The following SMARCAD1 variants were observed in gnomAD, a reference collection of about 807,000 sequenced individuals.
SMARCAD1 encodes the protein SNF2 related chromatin remodeling ATPase with DExD box 1, also known as SWI/SNF-related matrix-associated actin-dependent regulator of chromatin subfamily A containing DEAD/H box 1.
A neutral mutation model predicts 127.1 loss-of-function variants in SMARCAD1; 25 were observed. That is an observed-to-expected ratio of 0.20 (90% CI 0.14 to 0.27). The LOEUF (loss-of-function observed/expected upper bound fraction) is 0.27, where lower values mean the gene tolerates loss of function less well. Ranked by LOEUF, SMARCAD1 falls within the 10% of genes least tolerant of loss-of-function variation. The pLI, the probability that SMARCAD1 is intolerant of heterozygous loss-of-function variation, is 1.00. For missense variants in SMARCAD1, 807 were observed against 1,206.0 expected (o/e 0.67, Z 4.90); for synonymous variants, 400 against 396.9 (o/e 1.01, Z -0.09).
chr4:94,274,384 G>A (rs1014118360), intron 12 of SMARCAD1, among the ~76,000 whole-genome samples: 7 of 151,988 alleles, frequency 4.6e-5, no homozygotes, highest in African/African-American at 7.3e-5. Context: ...GGAGTGTGGT[G>A]GCTCAATCTT....
In SMARCAD1 at chr4:94,274,875, G is replaced by A; in HGVS notation, c.1733-15G>A. On this transcript the variant is annotated splice_polypyrimidine_tract_variant and intron_variant, in intron 13 of 23. Coordinates refer to ENST00000354268, the MANE Select transcript of SMARCAD1 (RefSeq NM_020159.5). Reference sequence around the variant, plus strand: ...CACAATAAATAGTCATGTGTTTATTGTTTTTAAATTCTAGGTTCTCAAGAA... The same window carrying A: ...CACAATAAATAGTCATGTGTTTATTATTTTTAAATTCTAGGTTCTCAAGAA... 6.2e-7 allele frequency: 1 copy of A among 1,604,504 alleles called. No homozygotes were observed. Among genetic ancestry groups the A allele is most frequent in the South Asian group, 1.1e-5 (1 of 90,862 alleles).
chr4:94,274,418 C>G (rs1031382766), intron 12 of SMARCAD1, among the ~76,000 whole-genome samples: 2 of 152,126 alleles, frequency 1.3e-5, no homozygotes, highest in Non-Finnish European at 1.5e-5. Flanking sequence ...CTCCGCCTCC[C>G]AGGTTCTCGT....
chr4:94,212,102 A>G (rs1211948583), intron 2 of SMARCAD1, among the ~76,000 whole-genome samples: 3 of 152,184 alleles, frequency 2.0e-5, no homozygotes, highest in Admixed American at 6.5e-5. Context: ...TAGGCCCTCA[A>G]TAAGTGCATT....
At chr4:94,283,329 T>A in intron 22 of SMARCAD1, 26 bp downstream of exon 22, 1 of 1,600,650 alleles carries the variant, frequency 6.2e-7, no homozygotes, top group Non-Finnish European at 8.5e-7. Context: ...TGGAATGTAT[T>A]TTTAATTCAG....
chr4:94,289,250 A>G (rs932273914), intron 23 of SMARCAD1, among the ~76,000 whole-genome samples: 3 of 152,162 alleles, frequency 2.0e-5, no homozygotes, highest in Non-Finnish European at 4.4e-5. Context: ...AATTGGAAAA[A>G]TAACCTTAGA....
chr4:94,264,012 G>T (rs1751384473), intron 9 of SMARCAD1, among the ~76,000 whole-genome samples: 2 of 151,942 alleles, frequency 1.3e-5, no homozygotes, highest in South Asian at 4.2e-4. Context: ...TATTTTGAAA[G>T]AAATTCTGTG....
intron 2 of SMARCAD1, among the ~76,000 whole-genome samples, chr4:94,216,655 G>A (rs866645247): frequency 1.1e-4 from 17 of 152,216 alleles, no homozygotes; most frequent in African/African-American, 3.9e-4. Flanking sequence ...TACCGTTTAC[G>A]TTGTCTTTTT....
chr4:94,211,576 CAGGACAG>C (rs1742269498), intron 2 of SMARCAD1, among the ~76,000 whole-genome samples: 1 of 152,176 alleles, frequency 6.6e-6, no homozygotes, highest in Non-Finnish European at 1.5e-5. Flanking sequence ...AGTCAGCTTA[CAGGACAG>C]AAATTGTATG....
upstream of SMARCAD1, chr4:94,207,814 C>G: frequency 3.4e-6 from 1 of 296,916 alleles, no homozygotes; most frequent in South Asian, 3.1e-5. Context: ...ACCTCTGAAC[C>G]TTCCTGTGTG....
intron 23 of SMARCAD1, among the ~76,000 whole-genome samples, chr4:94,286,959 G>A (rs1181082614): frequency 2.0e-5 from 3 of 152,090 alleles, no homozygotes; most frequent in Admixed American, 6.6e-5. Context: ...CCGCCTCCCG[G>A]GTTCACACCA....
At chr4:94,213,907 C>T (rs921205041) in intron 2 of SMARCAD1, among the ~76,000 whole-genome samples, 3 of 152,062 alleles carry the variant, frequency 2.0e-5, no homozygotes, top group African/African-American at 7.2e-5. Context: ...TCATCAATGT[C>T]CTAAGCAGGG....
At position 94,284,947 on chromosome 4, in the gene SMARCAD1, T is replaced by C; in HGVS notation, c.2910-13T>C. ...TTTAGTAACCAATGGACATATTTTG[T>C]ATTTTTTTTTAGAGAAGTACTAGTT... On this transcript the variant is annotated splice_polypyrimidine_tract_variant and intron_variant, in intron 22 of 23. Transcript: ENST00000354268. 1 of 1,458,148 alleles carries C rather than the reference T, an allele frequency of 6.9e-7. No homozygotes were observed. The allele number at this position is 1,458,148 out of a possible 1,614,324, so 90.3% of individuals were successfully genotyped here.
At chr4:94,249,182 C>G (rs567398938) in intron 6 of SMARCAD1, among the ~76,000 whole-genome samples, 1 of 151,998 alleles carries the variant, frequency 6.6e-6, no homozygotes, top group Non-Finnish European at 1.5e-5. Context: ...TATGTTGTGA[C>G]TGAACAATTA....
At chr4:94,213,391 T>C (rs1742603614) in intron 2 of SMARCAD1, among the ~76,000 whole-genome samples, 1 of 151,714 alleles carries the variant, frequency 6.6e-6, no homozygotes, top group East Asian at 1.9e-4. Flanking sequence ...CCTCCAAGAG[T>C]CTAATATGTG....
intron 23 of SMARCAD1, 68 bp from the exon 24 acceptor site, chr4:94,289,405 A>T: frequency 7.1e-7 from 1 of 1,399,336 alleles, no homozygotes; most frequent in Non-Finnish European, 1.0e-6. Context: ...GAAAAAAAAT[A>T]ATTGAGACAA....
intron 2 of SMARCAD1, among the ~76,000 whole-genome samples, chr4:94,215,259 A>G (rs1742984639): frequency 6.6e-6 from 1 of 152,178 alleles, no homozygotes; most frequent in African/African-American, 2.4e-5. Context: ...GTTAGTGCTG[A>G]ATTGTTGTAA....
At chr4:94,269,266 T>C (rs897935096) in intron 10 of SMARCAD1, among the ~76,000 whole-genome samples, 3 of 152,194 alleles carry the variant, frequency 2.0e-5, no homozygotes, top group African/African-American at 7.2e-5. Flanking sequence ...TTTATTATAC[T>C]ATAGCTATGT....
At position 94,281,591 on chromosome 4, in the gene SMARCAD1, G is replaced by A; in HGVS notation, c.2726+1G>A. Reference sequence around the variant, plus strand: ...ATGGAAAGACTCAGATTTCTGAAAGGTTGGTATAATTCATGTTAGTTACAA... The same window carrying A: ...ATGGAAAGACTCAGATTTCTGAAAGATTGGTATAATTCATGTTAGTTACAA... On this transcript the variant is annotated splice_donor_variant, in intron 21 of 23. Transcript: ENST00000354268. LOFTEE classifies it high-confidence loss of function. 6.4e-7 allele frequency: 1 copy of A among 1,565,060 alleles called. No homozygotes were observed. Among genetic ancestry groups the A allele is most frequent in the Non-Finnish European group, 8.8e-7 (1 of 1,135,934 alleles).
At chr4:94,214,510 C>A (rs1282835511) in intron 2 of SMARCAD1, among the ~76,000 whole-genome samples, 3 of 151,914 alleles carry the variant, frequency 2.0e-5, no homozygotes, top group Admixed American at 2.0e-4. Context: ...TTGAGATCTG[C>A]CCGCCTCGGC....
Sources: allele counts gnomAD v4.1 joint callset (sites outside exome capture counted in the v4.1 genomes callset), GRCh38; gene constraint gnomAD v4.1.1; transcripts MANE v1.5; gene names NCBI Gene and HGNC (gene_info 2026-07-23, HGNC 2026-07-21).